PRR11: variants seen among roughly 807,000 people sequenced by gnomAD.
PRR11 encodes the protein proline-rich protein 11.
PRR11 carries 30 observed loss-of-function variants against 45.6 expected under a neutral mutation model. The ratio of observed to expected loss-of-function variants is 0.66; its 90% CI spans 0.49 to 0.89. The LOEUF is 0.89. Ranked by LOEUF, PRR11 falls within the 40% of genes least tolerant of loss-of-function variation. The pLI is 0.00. For synonymous variants in PRR11, 128 were observed against 153.5 expected (o/e 0.83, Z 1.23); for missense variants, 373 against 424.8 (o/e 0.88, Z 1.07).
At chr17:59,158,171 C>T (rs1339989246) in intron 1 of PRR11, among the ~76,000 whole-genome samples, 2 of 152,176 alleles carry the variant, frequency 1.3e-5, no homozygotes, top group Non-Finnish European at 2.9e-5. Context: ...AAGGAACACT[C>T]AGCAAACCCA....
chr17:59,176,301 A>G (rs139629745), intron 2 of PRR11, among the ~76,000 whole-genome samples: 308 of 152,254 alleles, frequency 2.0e-3, no homozygotes, highest in Middle Eastern at 6.8e-3. Flanking sequence ...CCTGGCCTCA[A>G]TTTAGAAAGA....
At chr17:59,200,401 C>T (rs1305704678) in intron 9 of PRR11, among the ~76,000 whole-genome samples, 1 of 152,126 alleles carries the variant, frequency 6.6e-6, no homozygotes, top group East Asian at 1.9e-4. Flanking sequence ...TTGAAACCAT[C>T]CTGGGCGATA....
In PRR11 at chr17:59,195,345, G is replaced by A. The variant is rs766058731; in HGVS notation, c.759G>A (p.Pro253=). The A allele has an allele frequency of 4.2e-5, 68 of 1,613,108 alleles. No homozygotes were observed. Among genetic ancestry groups the A allele is most frequent in the Non-Finnish European group, 5.3e-5 (63 of 1,179,278 alleles). Residue 253 remains proline (P), a synonymous_variant, in exon 7 of 10, where the codon CCG becomes CCA. Coordinates refer to ENST00000262293, the MANE Select transcript of PRR11 (RefSeq NM_018304.4). ...TATAATTAAAGCTTATACCATCGCC[G>A]AAAGCACGGAATCCACTAGTTACCG... The part of the protein sequence containing the change: ...LDEKRKLIPS[P]KARNPLVTVS...
chr17:59,195,227 A>G, intron 6 of PRR11, 104 bp from the exon 7 acceptor site: 1 of 842,664 alleles, frequency 1.2e-6, no homozygotes, highest in Non-Finnish European at 1.9e-6. Flanking sequence ...TACTGGATAT[A>G]TCTTACACAA....
chr17:59,197,388 A>T (rs910318323), intron 7 of PRR11, among the ~76,000 whole-genome samples, 156 bp from the exon 8 acceptor site: 7 of 151,720 alleles, frequency 4.6e-5, no homozygotes, highest in African/African-American at 1.7e-4. Context: ...AGTAGCTGGG[A>T]CTACAGGCGC....
chr17:59,188,380 A>G (rs1219249347), intron 4 of PRR11, among the ~76,000 whole-genome samples: 1 of 152,202 alleles, frequency 6.6e-6, no homozygotes, highest in Non-Finnish European at 1.5e-5. Context: ...ACATCTATCA[A>G]AATTTTTAAA....
chr17:59,175,461 A>G lies in PRR11; in HGVS notation c.128+5581A>G, dbSNP rs150158287. Among the ~76,000 whole-genome samples the G allele has an allele frequency of 2.6e-5, 4 of 152,286 alleles. No homozygotes were observed. The East Asian group carries it at 7.7e-4, about 29-fold the overall frequency. ...GCAACATAGCAAGACCCTCGTCTCTATAAAAAATGTAAAAGACACGCCAGA... is the reference window on the plus strand; with the variant it reads ...GCAACATAGCAAGACCCTCGTCTCTGTAAAAAATGTAAAAGACACGCCAGA... On this transcript the variant is annotated intron_variant, in intron 2 of 9. Transcript: ENST00000262293.
chr17:59,193,979 C>T (rs553654804), intron 5 of PRR11, among the ~76,000 whole-genome samples: 30 of 152,208 alleles, frequency 2.0e-4, no homozygotes, highest in Admixed American at 4.6e-4. Flanking sequence ...GATTTCTATT[C>T]GCTTCTCAGC....
At chr17:59,163,364 C>A (rs1315590515) in intron 1 of PRR11, among the ~76,000 whole-genome samples, 1 of 152,216 alleles carries the variant, frequency 6.6e-6, no homozygotes, top group Non-Finnish European at 1.5e-5. Flanking sequence ...GGATTATAGG[C>A]ATGAGCCACC....
At chr17:59,173,032 G>A (rs948758313) in intron 2 of PRR11, among the ~76,000 whole-genome samples, 1 of 152,238 alleles carries the variant, frequency 6.6e-6, no homozygotes, top group African/African-American at 2.4e-5. Context: ...AAGGGATTGT[G>A]AATGCACCAA....
At chr17:59,167,287 T>C (rs2046684703) in intron 1 of PRR11, among the ~76,000 whole-genome samples, 1 of 152,208 alleles carries the variant, frequency 6.6e-6, no homozygotes, top group African/African-American at 2.4e-5. Flanking sequence ...ATCTTCAACA[T>C]GTCATTTATT....
chr17:59,173,349 C>A (rs1266227387), intron 2 of PRR11, among the ~76,000 whole-genome samples: 3 of 152,292 alleles, frequency 2.0e-5, no homozygotes, highest in African/African-American at 4.8e-5. Context: ...CCAGTGGGGG[C>A]CACTTTCACG....
intron 2 of PRR11, among the ~76,000 whole-genome samples, chr17:59,182,009 T>G (rs1599701255): frequency 2.2e-5 from 3 of 133,740 alleles, no homozygotes; most frequent in African/African-American, 9.1e-5. Flanking sequence ...CCTTTTTTGC[T>G]TGTTTTTTTG....
chr17:59,191,206 T>TC (rs1400662900), intron 4 of PRR11, among the ~76,000 whole-genome samples: 1 of 109,034 alleles, frequency 9.2e-6, no homozygotes, highest in African/African-American at 3.7e-5. Flanking sequence ...GTTTCTTTCT[T>TC]TTTTTCTTTT....
At position 59,201,579 on chromosome 17, in the gene PRR11, G is replaced by T; in HGVS notation, c.1031G>T (p.Ser344Ile). 6.2e-7 allele frequency: 1 copy of T among 1,612,506 alleles called. No homozygotes were observed. ...TTTTTATAGCTGGCTCACCCTAGAA[G>T]CCCAACTCCAACTCTGCCACTTTCT... is the stretch of plus-strand genomic sequence containing the variant. ...RRKFQLAHPR[S>I]PTPTLPLSTS... The change falls in exon 10 of 10, where the codon AGC becomes ATC. Residue 344 changes from serine (S) to isoleucine (I), a missense_variant. Coordinates refer to ENST00000262293, the MANE Select transcript of PRR11 (RefSeq NM_018304.4).
chr17:59,187,630 C>T (rs964750059), intron 4 of PRR11, among the ~76,000 whole-genome samples: 5 of 151,674 alleles, frequency 3.3e-5, no homozygotes, highest in Middle Eastern at 3.4e-3. Flanking sequence ...TTTGGGAGGC[C>T]GAGGTGGGCA....
intron 2 of PRR11, among the ~76,000 whole-genome samples, chr17:59,183,683 C>T (rs532467173): frequency 6.6e-5 from 10 of 152,292 alleles, no homozygotes; most frequent in South Asian, 4.1e-4. Flanking sequence ...CCCTCCAGTT[C>T]GGCTAAGAAA....
rs58983044 is a variant in PRR11, at chr17:59,162,213, GACACACAC to G, written c.-6+6438_-6+6445del. On this transcript the variant is annotated intron_variant, in intron 1 of 9. Coordinates refer to ENST00000262293, the MANE Select transcript of PRR11 (RefSeq NM_018304.4). ...ATAGAAGCACTAATAACCCAAGTCA[GACACACAC>G]ACACACACACACACACACACACACA... is the stretch of plus-strand genomic sequence containing the variant. 3.7e-3 allele frequency among the ~76,000 whole-genome samples: 519 copies of G among 139,574 alleles called. 1 individual carries two copies. The highest frequency in any genetic ancestry group is 7.5e-3 in the Middle Eastern group (2 of 266). 91.6% of individuals were successfully genotyped at this position (139,574 alleles called of 152,430 possible). A position where few individuals can be genotyped will look rare whatever the true frequency, so the allele number is the denominator to read the frequency against.
intron 1 of PRR11, among the ~76,000 whole-genome samples, chr17:59,169,202 G>A (rs555447116): frequency 4.7e-5 from 7 of 149,236 alleles, no homozygotes; most frequent in South Asian, 2.1e-4. Context: ...GAGTTCAAGC[G>A]ATTCTCCTAC....
Sources: allele counts gnomAD v4.1 joint callset (sites outside exome capture counted in the v4.1 genomes callset), GRCh38; gene constraint gnomAD v4.1.1; transcripts MANE v1.5; gene names NCBI Gene and HGNC (gene_info 2026-07-23, HGNC 2026-07-21).